The following GREB1L variants were observed in gnomAD, a reference collection of about 807,000 sequenced individuals.
The protein encoded by GREB1L is GREB1-like protein.
Under a neutral mutation model 200.8 loss-of-function variants are expected in GREB1L, and 17 were observed. That is an observed-to-expected ratio of 0.08 (90% CI 0.06 to 0.13). The LOEUF (loss-of-function observed/expected upper bound fraction) is 0.13. Among genes scored for constraint, GREB1L ranks in the 10% least tolerant of loss-of-function variants. The pLI is 1.00. For missense variants in GREB1L, 1,657 were observed against 2,367.7 expected (o/e 0.70, Z 6.23); for synonymous variants, 789 against 893.0 (o/e 0.88, Z 2.08).
At chr18:21,511,113 AC>A (rs2037221947) in intron 27 of GREB1L, among the ~76,000 whole-genome samples, 1 of 152,120 alleles carries the variant, frequency 6.6e-6, no homozygotes, top group Admixed American at 6.5e-5. Context: ...AGTGGCTCAC[AC>A]CTGTAATCCC....
At chr18:21,455,096 T>C (rs1014835623) in intron 15 of GREB1L, 2 of 152,610 alleles carry the variant, frequency 1.3e-5, no homozygotes, top group African/African-American at 4.9e-5. Context: ...TCCCAGAAAA[T>C]GTGAAAAGGT....
chr18:21,405,855 C>G (rs189537955), intron 7 of GREB1L, among the ~76,000 whole-genome samples: 9 of 152,138 alleles, frequency 5.9e-5, no homozygotes, highest in Admixed American at 1.3e-4. Flanking sequence ...GGCCCAGGCA[C>G]AGTGGCTCAT....
In GREB1L at chr18:21,441,516, G is replaced by A; in HGVS notation, c.1186G>A (p.Val396Ile). 6.4e-7 allele frequency: 1 copy of A among 1,551,500 alleles called. No individual in the cohort carries two copies. Among genetic ancestry groups the A allele is most frequent in the Non-Finnish European group, 8.7e-7 (1 of 1,146,714 alleles). The change falls in exon 10 of 33, where the codon GTT becomes ATT. Residue 396 changes from valine to isoleucine, a missense_variant. Around this residue, in one of 9 missense-constraint regions of GREB1L, gnomAD observed 289 missense variants for 345.1 expected, o/e 0.84. Coordinates refer to ENST00000424526, the MANE Select transcript of GREB1L (RefSeq NM_001142966.3). ...VPENLLSNSG[V>I]RPVILIGYGT... is the part of the protein sequence containing the mutation. ...TGAAAACCTGCTGAGTAACTCAGGA[G>A]TTAGACCAGTAATTCTGATAGGTAA...
At chr18:21,262,832 A>C (rs1291004018) in intron 1 of GREB1L, among the ~76,000 whole-genome samples, 1 of 152,208 alleles carries the variant, frequency 6.6e-6, no homozygotes, top group Non-Finnish European at 1.5e-5. Flanking sequence ...GAAAAACAGT[A>C]GATGAGAACA....
At chr18:21,244,374 G>T (rs1327548779) in intron 1 of GREB1L, among the ~76,000 whole-genome samples, 1 of 152,094 alleles carries the variant, frequency 6.6e-6, no homozygotes, top group Non-Finnish European at 1.5e-5. Context: ...ATAATATAAA[G>T]ATGTTAGTGG....
At chr18:21,376,003 T>G (rs558181428) in intron 2 of GREB1L, among the ~76,000 whole-genome samples, 1 of 152,196 alleles carries the variant, frequency 6.6e-6, no homozygotes, top group Non-Finnish European at 1.5e-5. Context: ...CAACTTTAAC[T>G]ACAAGTATGA....
chr18:21,440,130 TA>T, intron 8 of GREB1L, 138 bp from the exon 9 acceptor site: 1 of 866,404 alleles, frequency 1.2e-6, no homozygotes, highest in Non-Finnish European at 1.7e-6. Context: ...ACTTTACCTC[TA>T]AAGGAGTGAT....
chr18:21,446,376 G>T (rs1236450515), intron 11 of GREB1L, among the ~76,000 whole-genome samples: 1 of 152,016 alleles, frequency 6.6e-6, no homozygotes, highest in Non-Finnish European at 1.5e-5. Flanking sequence ...TTAATTAAAT[G>T]AACCAAGTGG....
At chr18:21,264,286 G>A (rs1387349328) in intron 1 of GREB1L, among the ~76,000 whole-genome samples, 2 of 150,646 alleles carry the variant, frequency 1.3e-5, no homozygotes, top group Non-Finnish European at 3.0e-5. Flanking sequence ...AAAAAAAAAC[G>A]ATGACAACAA....
chr18:21,276,510 T>C (rs1198856785), intron 1 of GREB1L, among the ~76,000 whole-genome samples: 1 of 152,166 alleles, frequency 6.6e-6, no homozygotes, highest in Non-Finnish European at 1.5e-5. Context: ...AGCCTAACCT[T>C]TCTTCTCTCA....
At position 21,525,012 on chromosome 18, in the gene GREB1L, G is replaced by GTGTATATATGTATATA. The variant is rs55641891; in HGVS notation, c.*2192_*2193insGTATATATGTATATAT. 1 of 145,122 alleles carries GTGTATATATGTATATA rather than the reference G, an allele frequency of 6.9e-6. No individual in the cohort carries two copies. The highest frequency in any genetic ancestry group is 1.5e-5 in the Non-Finnish European group (1 of 66,158). The allele number at this position is 145,122 out of a possible 1,614,324, so 9.0% of individuals were successfully genotyped here. On this transcript the variant is annotated 3_prime_UTR_variant, in exon 33 of 33. Transcript: ENST00000424526. ...AAGCACAGGACACCATGATTTGTGT[G>GTGTATATATGTATATA]TATATATATATATATCCTAGTGTGT...
intron 4 of GREB1L, among the ~76,000 whole-genome samples, chr18:21,389,927 T>C (rs2040724358): frequency 6.6e-6 from 1 of 151,928 alleles, no homozygotes; most frequent in Non-Finnish European, 1.5e-5. Context: ...CCAACAAAAA[T>C]AGGCAAGGAT....
chr18:21,285,452 A>G (rs1208399846), intron 1 of GREB1L, among the ~76,000 whole-genome samples: 3 of 152,164 alleles, frequency 2.0e-5, no homozygotes, highest in East Asian at 3.9e-4. Context: ...AAGCACATGA[A>G]TTTTTGAGAA....
intron 7 of GREB1L, among the ~76,000 whole-genome samples, chr18:21,421,912 AT>A (rs948338587): frequency 6.6e-6 from 1 of 152,034 alleles, no homozygotes; most frequent in African/African-American, 2.4e-5. Context: ...TTATTTTGGT[AT>A]TTTTTTCCAT....
At chr18:21,474,208 A>G (rs2145698318) in intron 16 of GREB1L, among the ~76,000 whole-genome samples, 1 of 152,328 alleles carries the variant, frequency 6.6e-6, no homozygotes, top group Middle Eastern at 3.4e-3. Context: ...CCAAAAATCC[A>G]AGTCCAAAGT....
At chr18:21,258,407 A>G (rs2037835440) in intron 1 of GREB1L, among the ~76,000 whole-genome samples, 1 of 152,194 alleles carries the variant, frequency 6.6e-6, no homozygotes, top group East Asian at 1.9e-4. Flanking sequence ...TGCCCCCTCA[A>G]TAAATATTTG....
intron 1 of GREB1L, among the ~76,000 whole-genome samples, chr18:21,332,497 T>C (rs997341784): frequency 2.6e-5 from 4 of 152,140 alleles, no homozygotes; most frequent in African/African-American, 9.6e-5. Flanking sequence ...TCTTTTGAGA[T>C]GGAGTCTGGC....
At position 21,523,651 on chromosome 18, in the gene GREB1L, C is replaced by A. The variant is rs1193346000; in HGVS notation, c.*830C>A. ...AGAAGCTTTCAGCAGGTAACCTGCA[C>A]CCACCGTTTGGTTGGAATTAAGCAG... On this transcript the variant is annotated 3_prime_UTR_variant, in exon 33 of 33. Coordinates refer to ENST00000424526, the MANE Select transcript of GREB1L (RefSeq NM_001142966.3). The A allele has an allele frequency of 6.6e-6, 1 of 152,196 alleles. No homozygotes were observed. The highest frequency in any genetic ancestry group is 1.5e-5 in the Non-Finnish European group (1 of 68,034). 9.4% of individuals were successfully genotyped at this position (152,196 alleles called of 1,614,324 possible).
chr18:21,509,986 C>T (rs944603659), intron 27 of GREB1L, among the ~76,000 whole-genome samples: 2 of 151,906 alleles, frequency 1.3e-5, no homozygotes, highest in African/African-American at 4.8e-5. Context: ...GTGGGTGGAT[C>T]ATCTGAGGTC....
Sources: allele counts gnomAD v4.1 joint callset (sites outside exome capture counted in the v4.1 genomes callset), GRCh38; gene constraint gnomAD v4.1.1; regional missense constraint gnomAD v4.1.1; transcripts MANE v1.5; gene names NCBI Gene and HGNC (gene_info 2026-07-23, HGNC 2026-07-21).